Variants in COL1A2 observed in about 807,000 individuals in gnomAD.
The protein encoded by COL1A2 is collagen alpha-2(I) chain.
In COL1A2, 49 loss-of-function variants were observed where a neutral mutation model predicts 174.3. The ratio of observed to expected loss-of-function variants is 0.28; its 90% confidence interval spans 0.22 to 0.36. The LOEUF (loss-of-function observed/expected upper bound fraction) is 0.36. Ranked by LOEUF, COL1A2 falls within the 10% of genes least tolerant of loss-of-function variation. The pLI is 1.00. For synonymous variants in COL1A2, 655 were observed against 606.6 expected, an observed-to-expected ratio of 1.08 and a Z score of -1.17; for missense variants, 1,438 against 1,822.7, an observed-to-expected ratio of 0.79 and a Z score of 3.84.
chr7:94,411,954 A>G (rs1368419535), intron 23 of COL1A2, 114 bp from the exon 24 acceptor site: 6 of 806,958 alleles, frequency 7.4e-6, no homozygotes, highest in Non-Finnish European at 8.5e-6. Flanking sequence ...GATTTACCCT[A>G]GGCAACAAAC....
chr7:94,421,043 G>T lies in COL1A2; in HGVS notation c.2330G>T (p.Arg777Leu). The T allele has an allele frequency of 6.2e-7, 1 of 1,614,186 alleles. No individual in the cohort carries two copies. The highest frequency in any genetic ancestry group is 8.5e-7 in the Non-Finnish European group (1 of 1,180,044). The change falls in exon 38 of 52, where the codon CGT becomes CTT. Residue 777 changes from arginine (R) to leucine (L), a missense_variant. This residue lies in a region of COL1A2 where 867 missense variants were observed against 1,213.7 expected (regional missense o/e 0.71). Coordinates refer to ENST00000297268, the MANE Select transcript of COL1A2 (RefSeq NM_000089.4). ...PNGPPGPAGS[R>L]GDGGPPGMTG... ...GGTCCCCCCGGTCCTGCTGGAAGTC[G>T]TGGTGATGGAGGCCCCCCTGTGAGT...
At position 94,411,387 on chromosome 7, in the gene COL1A2, T is replaced by A. The variant is rs559513469; in HGVS notation, c.1350+233T>A. The stretch of plus-strand genomic sequence containing the variant: ...AATGGCTATGAGGTTTTTGGAAGAA[T>A]AGATCTATTTTAATATATCCAAATT... On this transcript the variant is annotated intron_variant, in intron 23 of 51. Transcript: ENST00000297268. 7.2e-5 allele frequency among the ~76,000 whole-genome samples: 11 copies of A among 152,280 alleles called. No individual in the cohort carries two copies. The South Asian group carries it at 2.3e-3, about 32-fold the overall frequency.
At chr7:94,417,062 C>T (rs1343554506) in intron 31 of COL1A2, among the ~76,000 whole-genome samples, 1 of 152,060 alleles carries the variant, frequency 6.6e-6, no homozygotes, top group East Asian at 1.9e-4. Context: ...GAAGACAACA[C>T]ATATTATTTT....
At chr7:94,395,394 T>C (rs2115843938) in intron 1 of COL1A2, 1 of 412,560 alleles carries the variant, frequency 2.4e-6, no homozygotes, top group Non-Finnish European at 4.5e-6. Flanking sequence ...AAGGTCTTTT[T>C]CCCTAAGGAT....
chr7:94,402,900 A>G (rs2299417), intron 6 of COL1A2, among the ~76,000 whole-genome samples: 13,613 of 152,164 alleles, frequency 0.089, 695 homozygotes, highest in Middle Eastern at 0.14. Flanking sequence ...CTGTAAATTA[A>G]AACTCCCACT....
chr7:94,427,360 A>C, intron 48 of COL1A2, 65 bp downstream of exon 48: 1 of 1,437,688 alleles, frequency 7.0e-7, no homozygotes, highest in African/African-American at 1.4e-5. Context: ...CTTCAGACTA[A>C]ACCAAGACAA....
chr7:94,413,648 G>A lies in COL1A2; in HGVS notation c.1558-42G>A, dbSNP rs373917006. 1.3e-3 allele frequency: 2,019 copies of A among 1,591,400 alleles called. 4 individuals carry two copies. Among genetic ancestry groups the A allele is most frequent in the Non-Finnish European group, 1.6e-3 (1,871 of 1,159,554 alleles). On this transcript the variant is annotated intron_variant, in intron 26 of 51. Transcript: ENST00000297268. ...GGCTTTGAGACATCTTAAACTACCTGGCTTGCAGCTAACCATCAGCCTTTC... is the reference window on the plus strand; with the variant it reads ...GGCTTTGAGACATCTTAAACTACCTAGCTTGCAGCTAACCATCAGCCTTTC...
In COL1A2 at chr7:94,421,006, T is replaced by G; in HGVS notation, c.2296-3T>G. 6.2e-7 allele frequency: 1 copy of G among 1,614,116 alleles called. No homozygotes were observed. The highest frequency in any genetic ancestry group is 1.3e-5 in the African/African-American group (1 of 75,040). On this transcript the variant is annotated splice_polypyrimidine_tract_variant and splice_region_variant and intron_variant, in intron 37 of 51. Transcript: ENST00000297268. ...TTGACTCCATCTTTTTGTTTGCATT[T>G]AGGGTCCAAATGGTCCCCCCGGTCC...
At position 94,398,392 on chromosome 7, in the gene COL1A2, GA is replaced by G; in HGVS notation, c.95del (p.Lys32ArgfsTer64). 1.1e-6 allele frequency: 1 copy of G among 946,986 alleles called. No homozygotes were observed. The highest frequency in any genetic ancestry group is 1.6e-5 in the South Asian group (1 of 61,170). The allele number at this position is 946,986 out of a possible 1,614,324, so 58.7% of individuals were successfully genotyped here. A position where few individuals can be genotyped will look rare whatever the true frequency, so the allele number is the denominator to read the frequency against. The part of the protein sequence containing the change: ...TCQSLQEETV[R>X]KGPAGDRGPR... ...TTTATTCTTTTCTAGGAAACTGTAA[GA>G]AAGGTAAGAGTACACTACTTCTCCA... On this transcript the variant is annotated frameshift_variant, in exon 3 of 52. Coordinates refer to ENST00000297268, the MANE Select transcript of COL1A2 (RefSeq NM_000089.4). LOFTEE classifies it high-confidence loss of function.
chr7:94,422,293 G>T (rs1203690249), intron 39 of COL1A2, among the ~76,000 whole-genome samples: 1 of 151,470 alleles, frequency 6.6e-6, no homozygotes, highest in African/African-American at 2.4e-5. Flanking sequence ...CCATTGTTAA[G>T]GTATAATTGT....
At chr7:94,405,165 G>T in intron 9 of COL1A2, 34 bp from the exon 10 acceptor site, 1 of 1,611,584 alleles carries the variant, frequency 6.2e-7, no homozygotes, top group South Asian at 1.1e-5. Context: ...AGTTTACCAA[G>T]AAGAAGTTGA....
At chr7:94,409,692 C>T (rs779394688) in intron 18 of COL1A2, 31 bp from the exon 19 acceptor site, 15 of 1,613,384 alleles carry the variant, frequency 9.3e-6, no homozygotes, top group South Asian at 3.3e-5. Flanking sequence ...CATCACCTCC[C>T]TAATGGACCA....
At chr7:94,418,192 A>G (rs1792081106) in intron 32 of COL1A2, among the ~76,000 whole-genome samples, 1 of 152,214 alleles carries the variant, frequency 6.6e-6, no homozygotes, top group African/African-American at 2.4e-5. Context: ...GCTGCAGCCC[A>G]TTGTGATGTT....
chr7:94,428,503 C>G (rs1224979052), intron 50 of COL1A2, 26 bp downstream of exon 50: 1 of 1,594,264 alleles, frequency 6.3e-7, no homozygotes. Flanking sequence ...AACACCTCTC[C>G]TTCTGCTAAA....
intron 13 of COL1A2, 51 bp from the exon 14 acceptor site, chr7:94,408,132 C>T: frequency 6.3e-7 from 1 of 1,591,440 alleles, no homozygotes; most frequent in African/African-American, 1.3e-5. Context: ...ATGCCTGTGA[C>T]TTTTTTTAAA....
chr7:94,397,482 AAC>A lies in COL1A2; in HGVS notation c.71-264_71-263del, dbSNP rs1412973336. On this transcript the variant is annotated intron_variant, in intron 1 of 51. Transcript: ENST00000297268. ...TCCTTCAGACACATTAATATTTCAC[AAC>A]AGTTATAAAATAGTAAATAATTAAT... Among the ~76,000 whole-genome samples the A allele has an allele frequency of 4.6e-5, 7 of 152,258 alleles. No homozygotes were observed. In the East Asian group the frequency reaches 7.7e-4, roughly 17 times the overall value.
At chr7:94,409,850 A>G in intron 19 of COL1A2, 29 bp downstream of exon 19, 2 of 1,589,574 alleles carry the variant, frequency 1.3e-6, no homozygotes, top group Non-Finnish European at 1.7e-6. Context: ...GGTTCTCATC[A>G]TCCTGAAATA....
chr7:94,421,453 C>G, intron 38 of COL1A2: 1 of 381,920 alleles, frequency 2.6e-6, no homozygotes, highest in South Asian at 2.7e-5. Flanking sequence ...TCTTCTCTCA[C>G]TGGACAGTGC....
rs754315912 is a variant in COL1A2 at position 94,419,583 on chromosome 7, A to AT, written c.2079+33dup. Reference sequence around the variant, plus strand: ...ATGCATTTTCACTAAGCCAACAGCAATATCTAAAATTTCCCGCCTTCCCTA... The same window carrying AT: ...ATGCATTTTCACTAAGCCAACAGCAATTATCTAAAATTTCCCGCCTTCCCTA... On this transcript the variant is annotated intron_variant, in intron 34 of 51. Transcript: ENST00000297268. The AT allele has an allele frequency of 4.3e-6, 7 of 1,613,694 alleles. No individual in the cohort carries two copies. The Admixed American group carries it at 1.2e-4, about 27-fold the overall frequency.
Sources: allele counts gnomAD v4.1 joint callset (sites outside exome capture counted in the v4.1 genomes callset), GRCh38; gene constraint gnomAD v4.1.1; regional missense constraint gnomAD v4.1.1; transcripts MANE v1.5; gene names NCBI Gene and HGNC (gene_info 2026-07-23, HGNC 2026-07-21).